Variants in CTNNA3 observed in about 807,000 individuals in gnomAD.
CTNNA3 encodes catenin alpha-3.
CTNNA3 carries 76 observed loss-of-function variants against 95.7 expected under a neutral mutation model. That is an observed-to-expected ratio of 0.79 (90% CI 0.66 to 0.96). The LOEUF (loss-of-function observed/expected upper bound fraction) is 0.96. Ranked by LOEUF, CTNNA3 falls within the 40% of genes least tolerant of loss-of-function variation. The pLI is 0.00. For synonymous variants in CTNNA3, 431 were observed against 374.4 expected (o/e 1.15, Z -1.74); for missense variants, 1,191 against 1,089.8 (o/e 1.09, Z -1.31).
At chr10:67,093,002 A>G (rs1484357732) in intron 7 of CTNNA3, among the ~76,000 whole-genome samples, 1 of 152,024 alleles carries the variant, frequency 6.6e-6, no homozygotes, top group East Asian at 1.9e-4. Flanking sequence ...TATACCCCTG[A>G]ATCTCCACAA....
chr10:65,989,710 T>C (rs1414154810), intron 15 of CTNNA3, among the ~76,000 whole-genome samples: 2 of 152,198 alleles, frequency 1.3e-5, no homozygotes, highest in East Asian at 1.9e-4. Flanking sequence ...ATTATTTCTA[T>C]TTGTTGAAAA....
intron 5 of CTNNA3, among the ~76,000 whole-genome samples, chr10:67,384,125 T>C (rs561946660): frequency 3.9e-5 from 6 of 152,256 alleles, no homozygotes; most frequent in Non-Finnish European, 8.8e-5. Flanking sequence ...AGAAAGGATA[T>C]AAAGTGTTTT....
intron 9 of CTNNA3, among the ~76,000 whole-genome samples, chr10:66,682,033 T>C (rs960277879): frequency 2.0e-5 from 3 of 152,188 alleles, no homozygotes; most frequent in African/African-American, 7.2e-5. Flanking sequence ...AGGTCCTTTG[T>C]AGTGAGTGTC....
intron 17 of CTNNA3, among the ~76,000 whole-genome samples, chr10:65,965,721 CTTTG>C (rs1232664390): frequency 2.0e-5 from 3 of 151,796 alleles, no homozygotes; most frequent in Non-Finnish European, 4.4e-5. Flanking sequence ...GATGGTGATC[CTTTG>C]TTTGTGTTTT....
chr10:66,285,446 A>G, intron 12 of CTNNA3, among the ~76,000 whole-genome samples: 1 of 151,924 alleles, frequency 6.6e-6, no homozygotes, highest in South Asian at 2.1e-4. Flanking sequence ...TTAATAAATA[A>G]TATTTCTGAT....
intron 2 of CTNNA3, among the ~76,000 whole-genome samples, chr10:67,609,090 CAAAAAAAAA>C (rs397977100): frequency 1.3e-5 from 1 of 79,688 alleles, no homozygotes; most frequent in Admixed American, 1.4e-4. Context: ...AACTCTATCT[CAAAAAAAAA>C]AAAAAAAAAA....
intron 7 of CTNNA3, among the ~76,000 whole-genome samples, chr10:66,971,932 T>C (rs1162174538): frequency 6.6e-6 from 1 of 152,126 alleles, no homozygotes; most frequent in Non-Finnish European, 1.5e-5. Flanking sequence ...TGTACTTCAG[T>C]ATATTCCATT....
At chr10:66,502,979 C>A (rs1047207384) in intron 11 of CTNNA3, among the ~76,000 whole-genome samples, 1 of 151,966 alleles carries the variant, frequency 6.6e-6, no homozygotes, top group Non-Finnish European at 1.5e-5. Flanking sequence ...TAGTCATGCA[C>A]CCTAGCTCTT....
chr10:66,848,732 T>C (rs934488897), intron 7 of CTNNA3, among the ~76,000 whole-genome samples: 1 of 152,170 alleles, frequency 6.6e-6, no homozygotes, highest in African/African-American at 2.4e-5. Flanking sequence ...ATTTAACATA[T>C]CAGAACAGTA....
At chr10:66,501,833 A>G (rs1840288015) in intron 11 of CTNNA3, among the ~76,000 whole-genome samples, 1 of 152,136 alleles carries the variant, frequency 6.6e-6, no homozygotes, top group Non-Finnish European at 1.5e-5. Context: ...TTTGCTTATG[A>G]AGGGGCAAAG....
intron 14 of CTNNA3, among the ~76,000 whole-genome samples, chr10:66,083,660 G>A (rs1484062139): frequency 3.3e-5 from 5 of 152,062 alleles, no homozygotes; most frequent in Admixed American, 6.6e-5. Context: ...ATTCTTCTAC[G>A]CTAGTTATGA....
At chr10:67,299,262 G>A (rs1164110444) in intron 5 of CTNNA3, among the ~76,000 whole-genome samples, 2 of 151,746 alleles carry the variant, frequency 1.3e-5, no homozygotes, top group African/African-American at 4.8e-5. Context: ...CTTCTGCTTG[G>A]CCCTTTCTTA....
chr10:67,548,917 A>C (rs184510352), intron 3 of CTNNA3, among the ~76,000 whole-genome samples: 2 of 152,134 alleles, frequency 1.3e-5, no homozygotes, highest in African/African-American at 4.8e-5. Context: ...AATAATAAAA[A>C]GACAATCCTG....
Position 67,751,297 on chromosome 10 carries a change from C to T in CTNNA3, c.-2+12137G>A, listed in dbSNP as rs142285501. 633 of 947,656 alleles carry T rather than the reference C, an allele frequency of 6.7e-4. 5 individuals carry two copies. In the African/African-American group the frequency reaches 9.2e-3, roughly 14 times the overall value. The allele number at this position is 947,656 out of a possible 1,614,324, so 58.7% of individuals were successfully genotyped here. ...TCTTCGCTGAAGTGTGACATCTCCACTCAAGTCCTATTTTAGCCAAGCTTA... is the reference window on the plus strand; with the variant it reads ...TCTTCGCTGAAGTGTGACATCTCCATTCAAGTCCTATTTTAGCCAAGCTTA... On this transcript the variant is annotated intron_variant, in intron 1 of 17. Coordinates refer to the CTNNA3 transcript ENST00000684154.
intron 12 of CTNNA3, among the ~76,000 whole-genome samples, chr10:66,357,279 C>A (rs1044776670): frequency 6.6e-6 from 1 of 152,068 alleles, no homozygotes; most frequent in Non-Finnish European, 1.5e-5. Flanking sequence ...ATTTCTGCAA[C>A]AGATAGAGGA....
At chr10:67,318,300 T>C (rs138672255) in intron 5 of CTNNA3, among the ~76,000 whole-genome samples, 2 of 152,322 alleles carry the variant, frequency 1.3e-5, no homozygotes, top group East Asian at 3.9e-4. Context: ...GAAACATTAA[T>C]GTTCTACATT....
At chr10:66,850,369 G>C (rs1843442378) in intron 7 of CTNNA3, among the ~76,000 whole-genome samples, 1 of 152,128 alleles carries the variant, frequency 6.6e-6, no homozygotes, top group Non-Finnish European at 1.5e-5. Context: ...GGTGGGGAGA[G>C]ACACGTATAG....
At chr10:66,611,265 T>C (rs1364827953) in intron 10 of CTNNA3, among the ~76,000 whole-genome samples, 1 of 152,126 alleles carries the variant, frequency 6.6e-6, no homozygotes, top group East Asian at 1.9e-4. Context: ...ATGCTTCAAA[T>C]AGCTAGAAGT....
chr10:66,985,227 A>G (rs1164721638), intron 7 of CTNNA3, among the ~76,000 whole-genome samples: 3 of 152,186 alleles, frequency 2.0e-5, no homozygotes, highest in African/African-American at 7.2e-5. Context: ...TATTTAGTAA[A>G]GGGGTGATTT....
Sources: gnomAD v4.1 joint callset for allele counts (sites outside exome capture counted in the v4.1 genomes callset) on GRCh38, gnomAD v4.1.1 for gene constraint, MANE v1.5 for transcripts, NCBI Gene and HGNC (gene_info 2026-07-23, HGNC 2026-07-21) for gene names.